C12orf54: variants seen among roughly 807,000 people sequenced by gnomAD.
C12orf54 encodes the protein chromosome 12 open reading frame 54.
Under a neutral mutation model 26.4 loss-of-function variants are expected in C12orf54, and 24 were observed. The ratio of observed to expected loss-of-function variants is 0.91; its 90% CI spans 0.66 to 1.28. The LOEUF is 1.28. Ranked by LOEUF, C12orf54 falls within the 50% of genes most tolerant of loss-of-function variation. The pLI, the probability that C12orf54 is intolerant of heterozygous loss-of-function variation, is 0.00. For synonymous variants in C12orf54, 54 were observed against 47.0 expected (o/e 1.15, Z -0.61); for missense variants, 154 against 150.9 (o/e 1.02, Z -0.11).
chr12:48,414,793 G>A, the C12orf54 span, among the ~76,000 whole-genome samples: 1 of 152,136 alleles, frequency 6.6e-6, no homozygotes, highest in Non-Finnish European at 1.5e-5. Flanking sequence ...AGACCATGGA[G>A]TGAGGCACTG....
rs939653460 is a variant in C12orf54, at chr12:48,488,956, G to A, written c.168G>A (p.Glu56=). ...CAGTTTTTAAGGATATACAAAAGGA[G>A]GTGAGATTAGATTTTGATTCTCTGA... The part of the protein sequence containing the change: ...VLTVFKDIQK[E]LQEDARIRGM... Residue 56 remains glutamate (E), a splice_region_variant and synonymous_variant, in exon 5 of 9, where the codon GAG becomes GAA. Coordinates refer to ENST00000548364, the MANE Select transcript of C12orf54 (RefSeq NM_152319.4). The A allele has an allele frequency of 3.7e-6, 6 of 1,611,408 alleles. No homozygotes were observed. Among genetic ancestry groups the A allele is most frequent in the South Asian group, 3.3e-5 (3 of 90,918 alleles).
the C12orf54 span, among the ~76,000 whole-genome samples, chr12:48,414,457 C>A: frequency 6.6e-6 from 1 of 152,196 alleles, no homozygotes; most frequent in Non-Finnish European, 1.5e-5. Flanking sequence ...TGGATAAAGG[C>A]TAGTGTGTTG....
chr12:48,460,265 G>A, the C12orf54 span, among the ~76,000 whole-genome samples: 1 of 151,946 alleles, frequency 6.6e-6, no homozygotes, highest in Non-Finnish European at 1.5e-5. Flanking sequence ...TTCCAGTTTT[G>A]AAACACTCAT....
At chr12:48,443,373 C>A in the C12orf54 span, among the ~76,000 whole-genome samples, 3 of 152,178 alleles carry the variant, frequency 2.0e-5, no homozygotes. Context: ...ATGTTTGCTT[C>A]ATCCTTCTGA....
chr12:48,488,481 CAA>C (rs551426749), intron 4 of C12orf54: 3,338 of 197,978 alleles, frequency 0.017, no homozygotes, highest in South Asian at 0.025. Flanking sequence ...AACTTACAGC[CAA>C]AAAAAAAAAA....
At chr12:48,487,901 T>G in intron 4 of C12orf54, 2 of 589,600 alleles carry the variant, frequency 3.4e-6, no homozygotes, top group South Asian at 4.3e-5. Context: ...TATTTGGTTT[T>G]ATAAGAAACT....
the C12orf54 span, among the ~76,000 whole-genome samples, chr12:48,447,869 T>TG: frequency 4.0e-4 from 61 of 152,216 alleles, no homozygotes; most frequent in South Asian, 0.012. Context: ...CCCACTGGTG[T>TG]GAGAGAGATG....
chr12:48,474,720 TG>T, the C12orf54 span, among the ~76,000 whole-genome samples: 2 of 152,262 alleles, frequency 1.3e-5, no homozygotes, highest in East Asian at 3.9e-4. Context: ...CCAAGTTAGT[TG>T]TTTGATTAGG....
chr12:48,423,830 T>C, the C12orf54 span, among the ~76,000 whole-genome samples: 1 of 152,082 alleles, frequency 6.6e-6, no homozygotes, highest in East Asian at 1.9e-4. Flanking sequence ...CTATCTTTTT[T>C]TTCTCTTGCC....
chr12:48,448,133 C>T, the C12orf54 span, among the ~76,000 whole-genome samples: 1 of 152,168 alleles, frequency 6.6e-6, no homozygotes, highest in Non-Finnish European at 1.5e-5. Context: ...CCTGATGACA[C>T]CTTTGTTTAG....
At chr12:48,458,735 T>TTA in the C12orf54 span, among the ~76,000 whole-genome samples, 1 of 113,038 alleles carries the variant, frequency 8.8e-6, no homozygotes, top group African/African-American at 2.7e-5. Context: ...TGATTGTTCT[T>TTA]TTTTTTTTTT....
At chr12:48,487,390 A>G (rs982109203) in intron 4 of C12orf54, among the ~76,000 whole-genome samples, 6 of 152,228 alleles carry the variant, frequency 3.9e-5, no homozygotes, top group Admixed American at 6.5e-5. Context: ...AAAATTCTCC[A>G]GAGCCTCTTG....
rs1937717539 is a variant in C12orf54, at chr12:48,488,795, T to C, written c.136-129T>C. 3 of 755,698 alleles carry C rather than the reference T, an allele frequency of 4.0e-6. No individual in the cohort carries two copies. The Admixed American group carries it at 7.7e-5, about 19-fold the overall frequency. 46.8% of individuals were successfully genotyped at this position (755,698 alleles called of 1,614,324 possible). On this transcript the variant is annotated intron_variant, in intron 4 of 8. Transcript: ENST00000548364. ...TATTGCTAGCGCTACAAAGCCACAGTCTCTTGGCATTCACATTCTACAGCC... is the reference window on the plus strand; with the variant it reads ...TATTGCTAGCGCTACAAAGCCACAGCCTCTTGGCATTCACATTCTACAGCC...
At chr12:48,488,344 C>A in intron 4 of C12orf54, 1 of 517,310 alleles carries the variant, frequency 1.9e-6, no homozygotes, top group East Asian at 4.3e-5. Context: ...GCTGTGCCCC[C>A]TGGTGCCGAC....
intron 7 of C12orf54, among the ~76,000 whole-genome samples, chr12:48,493,375 C>T (rs1459710055): frequency 1.3e-5 from 2 of 152,028 alleles, no homozygotes; most frequent in East Asian, 1.9e-4. Flanking sequence ...GTGGTTCACG[C>T]GTATAATCCC....
chr12:48,413,439 A>G, the C12orf54 span, among the ~76,000 whole-genome samples: 1 of 152,216 alleles, frequency 6.6e-6, no homozygotes, highest in South Asian at 2.1e-4. Flanking sequence ...TCTGAAGAAG[A>G]GGGCGGTCCT....
chr12:48,419,864 C>A, the C12orf54 span, among the ~76,000 whole-genome samples: 1 of 152,166 alleles, frequency 6.6e-6, no homozygotes, highest in Non-Finnish European at 1.5e-5. Flanking sequence ...GAAAAGACTT[C>A]TTTTGTCTAT....
the C12orf54 span, among the ~76,000 whole-genome samples, chr12:48,475,421 A>G: frequency 1.3e-5 from 2 of 152,338 alleles, no homozygotes; most frequent in Non-Finnish European, 2.9e-5. Flanking sequence ...TTGAGAGAAG[A>G]AGGCTTCAGA....
chr12:48,448,328 A>G, the C12orf54 span, among the ~76,000 whole-genome samples: 1 of 152,182 alleles, frequency 6.6e-6, no homozygotes, highest in Admixed American at 6.5e-5. Flanking sequence ...TTTATTACAC[A>G]TGTCTGTTTT....
Sources: gnomAD v4.1 joint callset for allele counts (sites outside exome capture counted in the v4.1 genomes callset) on GRCh38, gnomAD v4.1.1 for gene constraint, MANE v1.5 for transcripts, NCBI Gene and HGNC (gene_info 2026-07-23, HGNC 2026-07-21) for gene names.